The following IL1RAPL2 variants were observed in gnomAD, a reference collection of about 807,000 sequenced individuals.
IL1RAPL2 encodes the protein interleukin 1 receptor accessory protein like 2, also known as X-linked interleukin-1 receptor accessory protein-like 2.
Under a neutral mutation model 44.1 loss-of-function variants are expected in IL1RAPL2, and 3 were observed. The ratio of observed to expected loss-of-function variants is 0.07; its 90% CI spans 0.03 to 0.18. The LOEUF is 0.18. Ranked by LOEUF, IL1RAPL2 falls within the 10% of genes least tolerant of loss-of-function variation. IL1RAPL2 has a pLI of 1.00. For missense variants in IL1RAPL2, 391 were observed against 496.4 expected, an observed-to-expected ratio of 0.79 and a Z score of 2.02; for synonymous variants, 181 against 178.8, an observed-to-expected ratio of 1.01 and a Z score of -0.10.
At chrX:105,243,587 GTATATA>G (rs1168803021) in intron 4 of IL1RAPL2, among the ~76,000 whole-genome samples, 4 of 74,833 alleles carry the variant, frequency 5.3e-5, no homozygotes, top group East Asian at 6.8e-4. Context: ...ATATATATGT[GTATATA>G]TATATATATA....
intron 2 of IL1RAPL2, among the ~76,000 whole-genome samples, chrX:105,173,698 G>A (rs1403987906): frequency 1.8e-5 from 2 of 110,037 alleles, no homozygotes; most frequent in African/African-American, 6.7e-5. Context: ...TGATGTTGAG[G>A]TGTTATACCT....
intron 2 of IL1RAPL2, among the ~76,000 whole-genome samples, chrX:104,675,363 G>A (rs1255856795): frequency 2.5e-4 from 28 of 111,487 alleles, no homozygotes; most frequent in South Asian, 7.6e-4. Flanking sequence ...TGTACCCAGT[G>A]GTCATTCAGG....
At chrX:105,361,307 G>C (rs747573796) in intron 5 of IL1RAPL2, among the ~76,000 whole-genome samples, 12 of 111,447 alleles carry the variant, frequency 1.1e-4, no homozygotes, top group Non-Finnish European at 1.9e-4. Flanking sequence ...TGAATAAAAT[G>C]GTCCTAGAGA....
chrX:105,018,215 G>A (rs2031220615), intron 2 of IL1RAPL2, among the ~76,000 whole-genome samples: 2 of 111,560 alleles, frequency 1.8e-5, no homozygotes, highest in African/African-American at 6.5e-5. Context: ...TACCCAAGAG[G>A]AGCAAAGCAC....
chrX:105,655,365 A>G lies in IL1RAPL2; in HGVS notation c.773-62002A>G, dbSNP rs759241406. Among the ~76,000 whole-genome samples, 3 of 112,592 alleles carry G rather than the reference A, an allele frequency of 2.7e-5. No homozygotes were observed. In the South Asian group the frequency reaches 1.1e-3, roughly 41 times the overall value. On this transcript the variant is annotated intron_variant, in intron 6 of 10. Transcript: ENST00000372582. ...TCCCAACCCATCTCATTCTGTATAC[A>G]TATATAATTTCTTTAATTACAAAAT...
intron 2 of IL1RAPL2, among the ~76,000 whole-genome samples, chrX:104,908,958 C>T (rs997324044): frequency 1.8e-5 from 2 of 110,719 alleles, no homozygotes; most frequent in African/African-American, 3.3e-5. Flanking sequence ...TGGTTCCATT[C>T]TCCCCGTCAC....
At chrX:105,357,639 T>C (rs931600204) in intron 5 of IL1RAPL2, among the ~76,000 whole-genome samples, 1 of 107,693 alleles carries the variant, frequency 9.3e-6, no homozygotes, top group African/African-American at 3.6e-5. Context: ...TTGTACTAAC[T>C]CTGGTAGTTT....
At chrX:104,719,422 G>C (rs919057236) in intron 2 of IL1RAPL2, among the ~76,000 whole-genome samples, 2 of 111,466 alleles carry the variant, frequency 1.8e-5, no homozygotes, top group Admixed American at 1.9e-4. Flanking sequence ...ACATTAATTG[G>C]GGCTACTTGC....
chrX:105,213,583 A>C (rs1352840782), intron 3 of IL1RAPL2, among the ~76,000 whole-genome samples: 2 of 111,071 alleles, frequency 1.8e-5, no homozygotes, highest in Non-Finnish European at 3.8e-5. Context: ...AACTTCCCCA[A>C]CCTAGCAAGA....
intron 6 of IL1RAPL2, among the ~76,000 whole-genome samples, chrX:105,668,551 A>G (rs2037790530): frequency 8.9e-6 from 1 of 112,794 alleles, no homozygotes; most frequent in African/African-American, 3.2e-5. Flanking sequence ...AGAAGAATTA[A>G]ATAACACAGT....
chrX:104,915,134 T>C (rs1569341679), intron 2 of IL1RAPL2, among the ~76,000 whole-genome samples: 1 of 111,797 alleles, frequency 8.9e-6, no homozygotes, highest in Non-Finnish European at 1.9e-5. Flanking sequence ...CCCCGAGGAA[T>C]CGCCACACTG....
chrX:105,296,236 T>C (rs1391504365), intron 5 of IL1RAPL2, among the ~76,000 whole-genome samples: 14 of 110,784 alleles, frequency 1.3e-4, no homozygotes, highest in African/African-American at 4.6e-4. Flanking sequence ...TCCTAGAATA[T>C]ATGCATTTTT....
At chrX:104,967,468 A>G (rs1473882434) in intron 2 of IL1RAPL2, among the ~76,000 whole-genome samples, 2 of 111,267 alleles carry the variant, frequency 1.8e-5, no homozygotes, top group Non-Finnish European at 3.8e-5. Context: ...TTATAAATTA[A>G]TGAGCTAAGT....
intron 6 of IL1RAPL2, among the ~76,000 whole-genome samples, chrX:105,612,133 G>A (rs1016557794): frequency 9.0e-6 from 1 of 110,763 alleles, no homozygotes; most frequent in South Asian, 3.9e-4. Context: ...TTAAGACAGG[G>A]TCTCGCTCTG....
At chrX:104,980,508 GAC>G (rs1269951164) in intron 2 of IL1RAPL2, among the ~76,000 whole-genome samples, 2 of 112,291 alleles carry the variant, frequency 1.8e-5, no homozygotes, top group African/African-American at 6.5e-5. Flanking sequence ...CTAAATAGAA[GAC>G]ACACTCCATG....
At chrX:104,750,872 C>T (rs969766706) in intron 2 of IL1RAPL2, among the ~76,000 whole-genome samples, 3 of 109,721 alleles carry the variant, frequency 2.7e-5, no homozygotes, top group African/African-American at 9.9e-5. Context: ...TTTAAAAACC[C>T]AAATTAAAAA....
intron 2 of IL1RAPL2, among the ~76,000 whole-genome samples, chrX:105,034,481 G>T (rs376089596): frequency 8.9e-6 from 1 of 112,430 alleles, no homozygotes; most frequent in East Asian, 2.8e-4. Context: ...GAGTTTGCTA[G>T]AGGTCCACTC....
chrX:104,999,808 G>A (rs2030820082), intron 2 of IL1RAPL2, among the ~76,000 whole-genome samples: 1 of 111,351 alleles, frequency 9.0e-6, no homozygotes, highest in African/African-American at 3.3e-5. Context: ...TACACATTCT[G>A]ACTTGTGTAT....
intron 1 of IL1RAPL2, among the ~76,000 whole-genome samples, chrX:104,578,572 C>A (rs935300996): frequency 9.0e-6 from 1 of 111,241 alleles, no homozygotes; most frequent in African/African-American, 3.3e-5. Flanking sequence ...GGGGATCCAG[C>A]ACAGTAGTAA....
Sources: gnomAD v4.1 joint callset for allele counts (sites outside exome capture counted in the v4.1 genomes callset) on GRCh38, gnomAD v4.1.1 for gene constraint, MANE v1.5 for transcripts, NCBI Gene and HGNC (gene_info 2026-07-23, HGNC 2026-07-21) for gene names.